SDK1: variants seen among roughly 807,000 people sequenced by gnomAD.
SDK1 encodes the protein sidekick cell adhesion molecule 1.
In SDK1, 157 loss-of-function variants were observed where a neutral mutation model predicts 245.5. The observed-to-expected ratio is 0.64, with a 90% CI of 0.56 to 0.73. SDK1 has a LOEUF of 0.73. Ranked by LOEUF, SDK1 falls within the 30% of genes least tolerant of loss-of-function variation. The pLI is 0.00. For synonymous variants in SDK1, 1,647 were observed against 1,278.5 expected, an observed-to-expected ratio of 1.29 and a Z score of -6.15; for missense variants, 3,583 against 3,002.3, an observed-to-expected ratio of 1.19 and a Z score of -4.52.
chr7:3,332,459 T>G (rs1446035110), intron 1 of SDK1, among the ~76,000 whole-genome samples: 1 of 152,192 alleles, frequency 6.6e-6, no homozygotes, highest in Admixed American at 6.5e-5. Flanking sequence ...ACTTAAAAAT[T>G]GCCCTTTTTC....
At chr7:3,505,206 C>T (rs562885892) in intron 1 of SDK1, among the ~76,000 whole-genome samples, 1 of 152,034 alleles carries the variant, frequency 6.6e-6, no homozygotes, top group East Asian at 1.9e-4. Flanking sequence ...CTAATTAAAC[C>T]TATTTTTTTT....
chr7:3,999,916 T>C (rs1389891334), intron 14 of SDK1, among the ~76,000 whole-genome samples: 1 of 152,152 alleles, frequency 6.6e-6, no homozygotes, highest in East Asian at 1.9e-4. Flanking sequence ...AGGGACCAAA[T>C]GATGCCAGAC....
intron 1 of SDK1, among the ~76,000 whole-genome samples, chr7:3,514,881 C>A (rs890064968): frequency 6.6e-6 from 1 of 152,162 alleles, no homozygotes; most frequent in East Asian, 1.9e-4. Flanking sequence ...TGCATGCGTG[C>A]GCTCTCTCTC....
At chr7:3,339,850 G>C (rs12535065) in intron 1 of SDK1, among the ~76,000 whole-genome samples, 37,648 of 151,832 alleles carry the variant, frequency 0.25, 4,988 homozygotes, top group East Asian at 0.42. Flanking sequence ...TAAGCAAGCA[G>C]AACGAAGAGC....
Position 3,925,775 on chromosome 7 carries a change from G to A in SDK1, c.848-25148G>A, listed in dbSNP as rs377248131. 1.4e-4 allele frequency among the ~76,000 whole-genome samples: 22 copies of A among 152,282 alleles called. No homozygotes were observed. In the East Asian group the frequency reaches 3.7e-3, roughly 25 times the overall value. On this transcript the variant is annotated intron_variant, in intron 5 of 44. Transcript: ENST00000404826. Reference sequence around the variant, plus strand: ...TGCTGCAGAAGGACTTGGCAGGTGCGTGCTCCAGCCGGCTGAGAAGACACC... The same window carrying A: ...TGCTGCAGAAGGACTTGGCAGGTGCATGCTCCAGCCGGCTGAGAAGACACC...
rs139803829 is a variant in SDK1, at chr7:3,733,838, C to G, written c.714-87612C>G. On this transcript the variant is annotated intron_variant, in intron 4 of 44. Coordinates refer to ENST00000404826, the MANE Select transcript of SDK1 (RefSeq NM_152744.4). ...ACGCCGATTATGACTATTGTGAGAA[C>G]AAATTGGCTTCCAGATCTGAACAGA... Among the ~76,000 whole-genome samples, 184 of 152,270 alleles carry G rather than the reference C, an allele frequency of 1.2e-3. 2 individuals carry two copies. Among genetic ancestry groups the G allele is most frequent in the African/African-American group, 4.2e-3 (174 of 41,548 alleles).
chr7:3,602,069 G>T (rs1335670769), intron 1 of SDK1, among the ~76,000 whole-genome samples: 2 of 151,796 alleles, frequency 1.3e-5, no homozygotes, highest in Admixed American at 1.3e-4. Flanking sequence ...TCTTAATCCA[G>T]TCTATCGTTG....
chr7:3,960,494 C>G (rs559455292), intron 8 of SDK1, among the ~76,000 whole-genome samples: 11 of 152,240 alleles, frequency 7.2e-5, no homozygotes, highest in Non-Finnish European at 1.6e-4. Flanking sequence ...GTGTGTCACC[C>G]TTCCAGTGCT....
At chr7:3,642,705 T>C (rs562801424) in intron 4 of SDK1, 2 of 152,384 alleles carry the variant, frequency 1.3e-5, no homozygotes, top group East Asian at 1.9e-4. Flanking sequence ...AAGATATTTA[T>C]CTAATGCCCG....
chr7:3,592,433 C>CT (rs1213876468), intron 1 of SDK1, among the ~76,000 whole-genome samples: 2 of 152,210 alleles, frequency 1.3e-5, no homozygotes, highest in Non-Finnish European at 2.9e-5. Context: ...TACTTTAAGT[C>CT]TTTTAATAGT....
intron 1 of SDK1, among the ~76,000 whole-genome samples, chr7:3,399,078 A>T (rs898431968): frequency 6.6e-6 from 1 of 151,736 alleles, no homozygotes; most frequent in Admixed American, 6.6e-5. Flanking sequence ...TTCTTTTAGG[A>T]CCCCAGTTAT....
Position 3,343,025 on chromosome 7 carries a change from T to G in SDK1, c.298+41141T>G, listed in dbSNP as rs538220677. On this transcript the variant is annotated intron_variant, in intron 1 of 44. Coordinates refer to ENST00000404826, the MANE Select transcript of SDK1 (RefSeq NM_152744.4). ...CTGAAAAAAAAAAAAAAGCACCAAA[T>G]GTTGGTGAAGATGCAGAGAAACATT... Among the ~76,000 whole-genome samples the G allele has an allele frequency of 2.4e-5, 3 of 125,346 alleles. No individual in the cohort carries two copies. In the South Asian group the frequency reaches 7.3e-4, roughly 30 times the overall value. The allele number at this position is 125,346 out of a possible 152,430, so 82.2% of individuals were successfully genotyped here. A position where few individuals can be genotyped will look rare whatever the true frequency, so the allele number is the denominator to read the frequency against.
intron 1 of SDK1, among the ~76,000 whole-genome samples, chr7:3,615,174 T>C (rs533582137): frequency 6.6e-6 from 1 of 151,772 alleles, no homozygotes; most frequent in South Asian, 2.1e-4. Context: ...ACTGGAACCA[T>C]ATGAAGTGGC....
intron 1 of SDK1, among the ~76,000 whole-genome samples, chr7:3,518,454 C>G (rs1052310682): frequency 6.6e-6 from 1 of 150,930 alleles, no homozygotes; most frequent in East Asian, 1.9e-4. Flanking sequence ...GAACTAATAT[C>G]CAGAATGTAC....
chr7:3,639,590 T>C (rs1450116294), intron 3 of SDK1, among the ~76,000 whole-genome samples: 1 of 152,188 alleles, frequency 6.6e-6, no homozygotes, highest in Non-Finnish European at 1.5e-5. Flanking sequence ...TATTAATTCT[T>C]TATTCAGCAG....
chr7:3,534,577 G>T (rs902281704), intron 1 of SDK1, among the ~76,000 whole-genome samples: 3 of 151,976 alleles, frequency 2.0e-5, no homozygotes, highest in Admixed American at 1.3e-4. Flanking sequence ...ATCCCAACAG[G>T]TGTGAGGTGG....
rs111934833 is a variant in SDK1, at chr7:3,762,006, C to G, written c.714-59444C>G. The stretch of plus-strand genomic sequence containing the variant: ...CTTTCTTTGTAGTGAACTGTAGGCA[C>G]AAACTATCAGCAGATGACTGTGTAT... On this transcript the variant is annotated intron_variant, in intron 4 of 44. Transcript: ENST00000404826. Among the ~76,000 whole-genome samples the G allele has an allele frequency of 6.8e-3, 1,031 of 152,206 alleles. 16 individuals carry two copies. Among genetic ancestry groups the G allele is most frequent in the African/African-American group, 0.023 (957 of 41,522 alleles).
intron 4 of SDK1, among the ~76,000 whole-genome samples, chr7:3,685,991 C>T (rs189983387): frequency 6.6e-6 from 1 of 152,138 alleles, no homozygotes; most frequent in Admixed American, 6.5e-5. Flanking sequence ...TAATAATATA[C>T]TGTCTACAAG....
At chr7:3,967,106 G>C (rs537260845) in intron 9 of SDK1, among the ~76,000 whole-genome samples, 1 of 152,180 alleles carries the variant, frequency 6.6e-6, no homozygotes. Flanking sequence ...ACATCGTGAC[G>C]CTGTATTTTC....
Sources: allele counts gnomAD v4.1 joint callset (sites outside exome capture counted in the v4.1 genomes callset), GRCh38; gene constraint gnomAD v4.1.1; transcripts MANE v1.5; gene names NCBI Gene and HGNC (gene_info 2026-07-23, HGNC 2026-07-21).